RAPGEF1: variants seen among roughly 807,000 people sequenced by gnomAD.
RAPGEF1 encodes the protein CRK SH3-binding GNRP.
Under a neutral mutation model 143.3 loss-of-function variants are expected in RAPGEF1, and 33 were observed. That is an observed-to-expected ratio of 0.23 (90% CI 0.17 to 0.31). RAPGEF1 has a LOEUF of 0.31. Ranked by LOEUF, RAPGEF1 falls within the 10% of genes least tolerant of loss-of-function variation. RAPGEF1 has a pLI of 1.00. For synonymous variants in RAPGEF1, 629 were observed against 676.5 expected (o/e 0.93, Z 1.09); for missense variants, 1,199 against 1,645.4 (o/e 0.73, Z 4.69).
chr9:131,660,484 T>C (rs1973742299), intron 1 of RAPGEF1, among the ~76,000 whole-genome samples: 1 of 151,522 alleles, frequency 6.6e-6, no homozygotes. Context: ...CATTTTCCCA[T>C]GTGAGTGCAG....
intron 1 of RAPGEF1, among the ~76,000 whole-genome samples, chr9:131,710,750 G>A (rs770687727): frequency 2.0e-5 from 3 of 152,108 alleles, no homozygotes; most frequent in South Asian, 2.1e-4. Context: ...TTAGCCGGGC[G>A]TGGTGGGACG....
intron 25 of RAPGEF1, among the ~76,000 whole-genome samples, chr9:131,581,323 G>A (rs1951836824): frequency 6.6e-6 from 1 of 152,202 alleles, no homozygotes; most frequent in South Asian, 2.1e-4. Flanking sequence ...GAGCCCAGGA[G>A]TTCAAGGCTG....
At chr9:131,723,969 G>A (rs186584143) in intron 1 of RAPGEF1, among the ~76,000 whole-genome samples, 3 of 152,274 alleles carry the variant, frequency 2.0e-5, no homozygotes, top group African/African-American at 7.2e-5. Flanking sequence ...TTGTTGTGGT[G>A]GCAGTGATTG....
At chr9:131,615,177 A>G (rs1958750717) in intron 12 of RAPGEF1, among the ~76,000 whole-genome samples, 1 of 152,194 alleles carries the variant, frequency 6.6e-6, no homozygotes, top group African/African-American at 2.4e-5. Context: ...GGTTCACGCC[A>G]TTCTCCTTCC....
chr9:131,724,452 G>A (rs1836498049), intron 1 of RAPGEF1, among the ~76,000 whole-genome samples: 1 of 152,148 alleles, frequency 6.6e-6, no homozygotes, highest in African/African-American at 2.4e-5. Flanking sequence ...AAAATTAGCT[G>A]GGCGTGGTGG....
chr9:131,737,952 A>G (rs959236195), intron 1 of RAPGEF1, among the ~76,000 whole-genome samples: 6 of 144,546 alleles, frequency 4.2e-5, no homozygotes, highest in Non-Finnish European at 9.0e-5. Context: ...TGGGCAACAG[A>G]GCAAGACTCC....
At position 131,655,640 on chromosome 9, in the gene RAPGEF1, C is replaced by A. The variant is rs1033869827; in HGVS notation, c.62-4691G>T. ...GCCTGGTGGTACATGCCTATAGTCC[C>A]AGCTACTCGGGAGGCTGAGGCAGGA... On this transcript the variant is annotated intron_variant, in intron 1 of 26. Transcript: ENST00000683357. This position sits in a 1 kb window ranked among gnomAD's most constrained non-coding sequence, Gnocchi z 4.1. Among the ~76,000 whole-genome samples, 1 of 152,122 alleles carries A rather than the reference C, an allele frequency of 6.6e-6. No individual in the cohort carries two copies. Among genetic ancestry groups the A allele is most frequent in the Admixed American group, 6.5e-5 (1 of 15,276 alleles).
intron 5 of RAPGEF1, among the ~76,000 whole-genome samples, chr9:131,630,576 G>T (rs1040740777): frequency 1.3e-5 from 2 of 152,180 alleles, no homozygotes; most frequent in South Asian, 2.1e-4. Flanking sequence ...TCTTGGAAGG[G>T]GAAATGGCAA....
At chr9:131,592,697 G>A (rs892918551) in intron 17 of RAPGEF1, among the ~76,000 whole-genome samples, 5 of 152,110 alleles carry the variant, frequency 3.3e-5, no homozygotes, top group South Asian at 2.1e-4. Context: ...GTTCAAACCC[G>A]TCAGCAGGAT....
Position 131,630,243 on chromosome 9 carries a change from G to A in RAPGEF1, c.733C>T (p.Pro245Ser). Residue 245 changes from proline (P) to serine (S), a missense_variant, in exon 6 of 27, where the codon CCT (proline) becomes TCT (serine). By Grantham distance (74) the Pro-to-Ser change is moderately conservative. Coordinates refer to ENST00000683357, the MANE Select transcript of RAPGEF1 (RefSeq NM_001377935.1). Reference protein sequence around the residue: ...PVKPSSPASKPDGPAELPLTD... With the variant: ...PVKPSSPASKSDGPAELPLTD... ...GGGTTAGTCAGCACCTACCCATCAG[G>A]CTTGCTGGCAGGGGAACTGGGCTTC... 1 of 1,613,814 alleles carries A rather than the reference G, an allele frequency of 6.2e-7. No individual in the cohort carries two copies. Among genetic ancestry groups the A allele is most frequent in the Middle Eastern group, 1.6e-4 (1 of 6,062 alleles).
intron 1 of RAPGEF1, among the ~76,000 whole-genome samples, chr9:131,726,772 C>T (rs1178325134): frequency 2.0e-5 from 3 of 152,102 alleles, no homozygotes; most frequent in Non-Finnish European, 2.9e-5. Flanking sequence ...CAAATCTACA[C>T]GTGTTAAAAC....
chr9:131,690,444 T>A (rs1833703445), intron 1 of RAPGEF1, among the ~76,000 whole-genome samples: 1 of 152,194 alleles, frequency 6.6e-6, no homozygotes, highest in African/African-American at 2.4e-5. Context: ...AGGAAATTAT[T>A]TATAATGTCC....
chr9:131,679,695 GGGGAC>G (rs1832748883), intron 1 of RAPGEF1, among the ~76,000 whole-genome samples: 1 of 152,226 alleles, frequency 6.6e-6, no homozygotes, highest in Non-Finnish European at 1.5e-5. Flanking sequence ...ACTACGCAGC[GGGGAC>G]TCCGCCAGGG....
At chr9:131,597,796 C>T (rs1431184636) in intron 16 of RAPGEF1, among the ~76,000 whole-genome samples, 1 of 152,142 alleles carries the variant, frequency 6.6e-6, no homozygotes, top group African/African-American at 2.4e-5. Context: ...AAGCCATTCC[C>T]CTGCCTCTGT....
rs542893378 is a variant in RAPGEF1, at chr9:131,591,155, G to T, written c.2774+944C>A. Among the ~76,000 whole-genome samples, 21 of 152,378 alleles carry T rather than the reference G, an allele frequency of 1.4e-4. No homozygotes were observed. The East Asian group carries it at 3.5e-3, about 25-fold the overall frequency. ...TAACAGAACTTGCCGGGGACCCGAG[G>T]CTCCGCCAATGGAGGATGTCCACGT... is the stretch of plus-strand genomic sequence containing the variant. On this transcript the variant is annotated intron_variant, in intron 18 of 26. Transcript: ENST00000683357.
intron 4 of RAPGEF1, 94 bp downstream of exon 4, chr9:131,643,144 GT>G: frequency 7.2e-7 from 1 of 1,392,214 alleles, no homozygotes; most frequent in Non-Finnish European, 9.6e-7. Flanking sequence ...TTTCCTGACT[GT>G]TCCTAGGAAC....
chr9:131,596,882 C>T (rs1349190863), intron 16 of RAPGEF1, among the ~76,000 whole-genome samples: 1 of 152,232 alleles, frequency 6.6e-6, no homozygotes, highest in East Asian at 1.9e-4. Context: ...GTAGAAGTTA[C>T]TTGCATTGGC....
intron 1 of RAPGEF1, chr9:131,709,725 C>CTT: frequency 6.2e-7 from 1 of 1,613,292 alleles, no homozygotes; most frequent in Non-Finnish European, 8.5e-7. Context: ...GCCCCAGCGT[C>CTT]TTTCCGGAGC....
chr9:131,697,479 C>A (rs78207137), intron 1 of RAPGEF1, among the ~76,000 whole-genome samples: 1 of 152,288 alleles, frequency 6.6e-6, no homozygotes, highest in East Asian at 1.9e-4. Context: ...AAGGTTTTGA[C>A]GCTTGAATTA....
Sources: gnomAD v4.1 joint callset for allele counts (sites outside exome capture counted in the v4.1 genomes callset) on GRCh38, gnomAD v4.1.1 for gene constraint, Gnocchi (gnomAD v3.1) non-coding constraint, MANE v1.5 for transcripts, NCBI Gene and HGNC (gene_info 2026-07-23, HGNC 2026-07-21) for gene names.